Variants in ANKUB1 observed in about 807,000 individuals in gnomAD.
ANKUB1 encodes the protein ankyrin repeat and ubiquitin domain containing 1.
ANKUB1 carries 42 observed loss-of-function variants against 49.3 expected under a neutral mutation model. That is an observed-to-expected ratio of 0.85 (90% CI 0.67 to 1.10). ANKUB1 has a LOEUF of 1.10. Among genes scored for constraint, ANKUB1 ranks in the 50% least tolerant of loss-of-function variants. The pLI is 0.00. For synonymous variants in ANKUB1, 222 were observed against 231.0 expected (o/e 0.96, Z 0.35); for missense variants, 613 against 642.0 (o/e 0.95, Z 0.49).
intron 2 of ANKUB1, among the ~76,000 whole-genome samples, chr3:149,784,701 T>A (rs1317061087): frequency 6.6e-6 from 1 of 152,204 alleles, no homozygotes; most frequent in Non-Finnish European, 1.5e-5. Context: ...TGCTTCCAAC[T>A]AAGAACCATG....
intron 5 of ANKUB1, among the ~76,000 whole-genome samples, chr3:149,762,773 A>G (rs1382299960): frequency 6.6e-6 from 1 of 152,174 alleles, no homozygotes; most frequent in East Asian, 1.9e-4. Flanking sequence ...CAAACTCTTC[A>G]CTTGGTCACA....
intron 5 of ANKUB1, among the ~76,000 whole-genome samples, chr3:149,762,002 G>A (rs1236775443): frequency 2.0e-5 from 3 of 152,000 alleles, no homozygotes; most frequent in African/African-American, 7.3e-5. Context: ...AAGATATTAG[G>A]TATTTTGATA....
intron 5 of ANKUB1, among the ~76,000 whole-genome samples, chr3:149,763,329 C>A (rs1206993336): frequency 6.6e-6 from 1 of 152,178 alleles, no homozygotes; most frequent in East Asian, 1.9e-4. Flanking sequence ...CTGATTCTCT[C>A]CCTGGCATTT....
intron 3 of ANKUB1, among the ~76,000 whole-genome samples, chr3:149,772,589 TTA>T (rs1036458737): frequency 1.1e-4 from 16 of 152,350 alleles, no homozygotes; most frequent in African/African-American, 3.8e-4. Context: ...CTTTATTCCA[TTA>T]TCCTGCCTTC....
In ANKUB1 at chr3:149,792,290, T is replaced by C; in HGVS notation, c.77A>G (p.Lys26Arg). Residue 26 changes from lysine (K) to arginine (R), a missense_variant, in exon 1 of 6, where the codon AAG becomes AGG. Transcript: ENST00000446160. ...VSADETVEVV[K>R]LMIKDYFHIP... is the part of the protein sequence containing the mutation. ...CGAAGTACATACCTTTATCATCAGC[T>C]TGACAACCTCCACAGTTTCATCTGC... The C allele has an allele frequency of 6.6e-7, 1 of 1,525,650 alleles. No individual in the cohort carries two copies. The highest frequency in any genetic ancestry group is 1.7e-4 in the Middle Eastern group (1 of 5,878). 94.5% of individuals were successfully genotyped at this position (1,525,650 alleles called of 1,614,324 possible). A position where few individuals can be genotyped will look rare whatever the true frequency, so the allele number is the denominator to read the frequency against.
intron 3 of ANKUB1, chr3:149,779,900 C>T (rs1422939037): frequency 2.5e-5 from 7 of 283,214 alleles, no homozygotes; most frequent in Non-Finnish European, 4.8e-5. Flanking sequence ...ACTGAACTTA[C>T]AGAGGTTTCC....
chr3:149,769,566 C>G (rs1187352658), intron 4 of ANKUB1, among the ~76,000 whole-genome samples: 1 of 152,158 alleles, frequency 6.6e-6, no homozygotes, highest in Non-Finnish European at 1.5e-5. Context: ...ATTTAATACA[C>G]CTAATCTACT....
intron 3 of ANKUB1, chr3:149,779,107 CA>C (rs1717734314): frequency 6.6e-6 from 1 of 151,854 alleles, no homozygotes; most frequent in South Asian, 2.1e-4. Context: ...ATGCTTAAAA[CA>C]AATCTGACAG....
At chr3:149,783,960 A>G (rs151088764) in intron 2 of ANKUB1, 28 of 152,330 alleles carry the variant, frequency 1.8e-4, no homozygotes, top group African/African-American at 6.7e-4. Context: ...ACATGTTTAT[A>G]CATGTTTTTG....
At position 149,773,936 on chromosome 3, in the gene ANKUB1, A is replaced by T. The variant is rs1031091342; in HGVS notation, c.452-3262T>A. On this transcript the variant is annotated intron_variant, in intron 3 of 5. Transcript: ENST00000446160. Reference sequence around the variant, plus strand: ...CTGTATTCCCAGCACTTTGGGTGGGAGGATTGCTTGAGGCCAGGAGTTTAC... The same window carrying T: ...CTGTATTCCCAGCACTTTGGGTGGGTGGATTGCTTGAGGCCAGGAGTTTAC... Among the ~76,000 whole-genome samples the T allele has an allele frequency of 1.8e-4, 28 of 152,114 alleles. 1 individual carries two copies. The highest frequency in any genetic ancestry group is 2.9e-5 in the Non-Finnish European group (2 of 68,024).
chr3:149,768,889 A>G (rs776034470), intron 4 of ANKUB1, among the ~76,000 whole-genome samples: 1 of 152,212 alleles, frequency 6.6e-6, no homozygotes, highest in African/African-American at 2.4e-5. Flanking sequence ...GTGTAAAATA[A>G]GATTAAAAAG....
At position 149,792,449 on chromosome 3, in the gene ANKUB1, T is replaced by A; in HGVS notation, c.-83A>T. 1 of 1,124,114 alleles carries A rather than the reference T, an allele frequency of 8.9e-7. No homozygotes were observed. Among genetic ancestry groups the A allele is most frequent in the Admixed American group, 3.2e-5 (1 of 30,942 alleles). 69.6% of individuals were successfully genotyped at this position (1,124,114 alleles called of 1,614,324 possible). On this transcript the variant is annotated 5_prime_UTR_variant, in exon 1 of 6. Coordinates refer to ENST00000446160, the MANE Select transcript of ANKUB1 (RefSeq NM_001144960.3). ...GGCTAGAAAAATTCCGGTTCACAATTAAGGACAAAAATGATAGCCAGAGGC... is the reference window on the plus strand; with the variant it reads ...GGCTAGAAAAATTCCGGTTCACAATAAAGGACAAAAATGATAGCCAGAGGC...
intron 4 of ANKUB1, among the ~76,000 whole-genome samples, chr3:149,769,071 G>T (rs969175424): frequency 1.3e-5 from 2 of 152,150 alleles, no homozygotes; most frequent in African/African-American, 4.8e-5. Context: ...ATAGAAATTA[G>T]TATAAAATAT....
At chr3:149,775,712 G>A (rs998456006) in intron 3 of ANKUB1, among the ~76,000 whole-genome samples, 1 of 152,048 alleles carries the variant, frequency 6.6e-6, no homozygotes, top group Admixed American at 6.6e-5. Context: ...ATTTGTTTAG[G>A]TACTCCTTGT....
chr3:149,776,787 C>A (rs1367068269), intron 3 of ANKUB1, among the ~76,000 whole-genome samples: 1 of 142,372 alleles, frequency 7.0e-6, no homozygotes. Flanking sequence ...ATGGTGAAAC[C>A]CTGTCTCTAT....
chr3:149,777,334 T>A (rs568098711), intron 3 of ANKUB1, among the ~76,000 whole-genome samples: 1 of 151,662 alleles, frequency 6.6e-6, no homozygotes, highest in South Asian at 2.1e-4. Flanking sequence ...TAGCTGGGAG[T>A]GGTGGCGCGT....
intron 2 of ANKUB1, 26 bp downstream of exon 2, chr3:149,790,755 G>A: frequency 6.5e-7 from 1 of 1,529,500 alleles, no homozygotes; most frequent in Non-Finnish European, 8.8e-7. Context: ...AGATATCTTA[G>A]ACGAATATTA....
chr3:149,767,689 T>G lies in ANKUB1; in HGVS notation c.973A>C (p.Ser325Arg). The G allele has an allele frequency of 6.4e-7, 1 of 1,551,734 alleles. No homozygotes were observed. Among genetic ancestry groups the G allele is most frequent in the Non-Finnish European group, 8.7e-7 (1 of 1,147,000 alleles). The change falls in exon 5 of 6, where the codon AGT (serine) becomes CGT (arginine). Residue 325 changes from serine to arginine, a missense_variant. Physicochemically the swap from Ser to Arg is moderately radical, Grantham distance 110 (BLOSUM62 -1). Coordinates refer to ENST00000446160, the MANE Select transcript of ANKUB1 (RefSeq NM_001144960.3). ...KIKQWILRAQ[S>R]HSLHKSQFCG... ...AACTGGCTTTTATGAAGACTGTGACTCTGAGCTCTGAGGATCCATTGTTTT... is the reference window on the plus strand; with the variant it reads ...AACTGGCTTTTATGAAGACTGTGACGCTGAGCTCTGAGGATCCATTGTTTT...
At position 149,767,621 on chromosome 3, in the gene ANKUB1, C is replaced by T; in HGVS notation, c.1041G>A (p.Val347=). 6.4e-7 allele frequency: 1 copy of T among 1,551,700 alleles called. No homozygotes were observed. Among genetic ancestry groups the T allele is most frequent in the Non-Finnish European group, 8.7e-7 (1 of 1,146,994 alleles). The change falls in exon 5 of 6, where the codon GTG becomes GTA. Residue 347 remains valine, a synonymous_variant. Transcript: ENST00000446160. ...RVFGAKVGDT[V]MVDGFTKPKM... The stretch of plus-strand genomic sequence containing the variant: ...TTGGTTTGGTGAAACCATCCACCAT[C>T]ACAGTGTCTCCAACTTTTGCCCCAA...
Sources: allele counts gnomAD v4.1 joint callset (sites outside exome capture counted in the v4.1 genomes callset), GRCh38; gene constraint gnomAD v4.1.1; transcripts MANE v1.5; gene names NCBI Gene and HGNC (gene_info 2026-07-23, HGNC 2026-07-21).